The following FARSB variants were observed in gnomAD, a reference collection of about 807,000 sequenced individuals.
The protein encoded by FARSB is phenylalanine--tRNA ligase beta subunit.
FARSB carries 40 observed loss-of-function variants against 69.6 expected under a neutral mutation model. The ratio of observed to expected loss-of-function variants is 0.57; its 90% CI spans 0.45 to 0.75. FARSB has a LOEUF of 0.75. Among genes scored for constraint, FARSB ranks in the 30% least tolerant of loss-of-function variants. The pLI is 0.00. For missense variants in FARSB, 632 were observed against 722.9 expected, an observed-to-expected ratio of 0.87 and a Z score of 1.44; for synonymous variants, 235 against 247.2, an observed-to-expected ratio of 0.95 and a Z score of 0.46.
At chr2:222,629,209 A>G (rs781023851) in intron 9 of FARSB, among the ~76,000 whole-genome samples, 1 of 152,198 alleles carries the variant, frequency 6.6e-6, no homozygotes, top group Non-Finnish European at 1.5e-5. Flanking sequence ...AGTGTGTTAC[A>G]TAATAAAACT....
In FARSB at chr2:222,636,233, C is replaced by T. The variant is rs536655745; in HGVS notation, c.456-1692G>A. Among the ~76,000 whole-genome samples the T allele has an allele frequency of 3.6e-3, 540 of 151,800 alleles. 4 individuals are homozygous for T. Among genetic ancestry groups the T allele is most frequent in the Non-Finnish European group, 3.0e-3 (201 of 67,928 alleles). On this transcript the variant is annotated intron_variant, in intron 5 of 16. Coordinates refer to ENST00000281828, the MANE Select transcript of FARSB (RefSeq NM_005687.5). ...CATCCTGGCTAACATGGTGAAACCC[C>T]GTCTCTACTAAAAATACAAAAAATT...
chr2:222,637,842 G>T (rs759353687), intron 5 of FARSB, among the ~76,000 whole-genome samples: 10 of 152,046 alleles, frequency 6.6e-5, no homozygotes, highest in Non-Finnish European at 1.0e-4. Flanking sequence ...AATTAGCCAG[G>T]TGTGGTGACT....
chr2:222,584,704 G>T (rs2106183486), intron 16 of FARSB, among the ~76,000 whole-genome samples: 1 of 152,316 alleles, frequency 6.6e-6, no homozygotes, highest in Middle Eastern at 3.4e-3. Context: ...TCCCATGCCT[G>T]GCTCAGAGGG....
At chr2:222,641,350 T>C (rs1391642329) in intron 3 of FARSB, among the ~76,000 whole-genome samples, 1 of 152,208 alleles carries the variant, frequency 6.6e-6, no homozygotes, top group African/African-American at 2.4e-5. Context: ...CCTGGTTCCA[T>C]CTGGCCCTAC....
Position 222,613,940 on chromosome 2 carries a change from G to A in FARSB, c.1345-12C>T. 1 of 1,561,002 alleles carries A rather than the reference G, an allele frequency of 6.4e-7. No homozygotes were observed. Among genetic ancestry groups the A allele is most frequent in the Non-Finnish European group, 8.8e-7 (1 of 1,131,898 alleles). On this transcript the variant is annotated splice_polypyrimidine_tract_variant and intron_variant, in intron 14 of 16. Transcript: ENST00000281828. ...GTAGTGCGTGCCACCTACAGGAAAA[G>A]ACATGAAATTGCACTGACCAAATAG...
chr2:222,631,771 A>T, intron 7 of FARSB, 97 bp from the exon 8 acceptor site: 1 of 774,906 alleles, frequency 1.3e-6, no homozygotes, highest in Non-Finnish European at 2.2e-6. Flanking sequence ...TTTTAAATGT[A>T]AAACATATTA....
At chr2:222,614,072 C>T in intron 14 of FARSB, 144 bp from the exon 15 acceptor site, 2 of 453,816 alleles carry the variant, frequency 4.4e-6, no homozygotes, top group East Asian at 3.1e-5. Flanking sequence ...ATCCAAGTCA[C>T]TTTCAATTTT....
chr2:222,625,950 C>T (rs1477539876), intron 10 of FARSB, among the ~76,000 whole-genome samples: 1 of 151,970 alleles, frequency 6.6e-6, no homozygotes, highest in Non-Finnish European at 1.5e-5. Flanking sequence ...TGTATGCATA[C>T]AAGAAGTAAC....
chr2:222,575,301 A>G (rs969593046), intron 16 of FARSB, among the ~76,000 whole-genome samples: 2 of 152,276 alleles, frequency 1.3e-5, no homozygotes, highest in African/African-American at 2.4e-5. Flanking sequence ...CTTGTGAAAA[A>G]TCAGACCTGG....
At chr2:222,600,249 T>A (rs936421357) in intron 15 of FARSB, among the ~76,000 whole-genome samples, 166 bp from the exon 16 acceptor site, 1 of 152,226 alleles carries the variant, frequency 6.6e-6, no homozygotes, top group Non-Finnish European at 1.5e-5. Context: ...AATAGTCTTT[T>A]TTCAGCTCAT....
At chr2:222,597,438 C>T (rs1317276817) in intron 16 of FARSB, among the ~76,000 whole-genome samples, 1 of 151,282 alleles carries the variant, frequency 6.6e-6, no homozygotes, top group Non-Finnish European at 1.5e-5. Context: ...TGTGTATTTC[C>T]TAATTAAAAA....
intron 13 of FARSB, among the ~76,000 whole-genome samples, chr2:222,622,208 A>G (rs548716036): frequency 7.2e-5 from 11 of 152,364 alleles, no homozygotes; most frequent in African/African-American, 2.6e-4. Context: ...AGCAGCCACT[A>G]GTCAAGACTC....
At chr2:222,605,699 C>T (rs1449991516) in intron 15 of FARSB, among the ~76,000 whole-genome samples, 1 of 152,178 alleles carries the variant, frequency 6.6e-6, no homozygotes, top group African/African-American at 2.4e-5. Flanking sequence ...AGAAGGATCA[C>T]TTGAGCCCAG....
At position 222,568,362 on chromosome 2, in the gene FARSB, G is replaced by T. The variant is rs1689664491; in HGVS notation, c.*3509C>A. On this transcript the variant is annotated 3_prime_UTR_variant, in exon 17 of 17. Transcript: ENST00000281828. The surrounding 1 kb of genome is among the most constrained non-coding windows in gnomAD (Gnocchi z 4.3). ...AAGTAAATAATGCAAATCAGTGAGT[G>T]GTCTGTGGACTCCAAGTCACTCTTT... is the stretch of plus-strand genomic sequence containing the variant. 6.6e-6 allele frequency: 1 copy of T among 152,052 alleles called. No homozygotes were observed. The highest frequency in any genetic ancestry group is 1.5e-5 in the Non-Finnish European group (1 of 68,010). 9.4% of individuals were successfully genotyped at this position (152,052 alleles called of 1,614,324 possible).
intron 1 of FARSB, among the ~76,000 whole-genome samples, chr2:222,650,913 T>C (rs1031174102): frequency 7.2e-5 from 11 of 152,242 alleles, no homozygotes; most frequent in African/African-American, 2.4e-4. Context: ...CCAGAGTAAT[T>C]TGTTACGTAG....
chr2:222,640,761 A>G (rs1041352931), intron 4 of FARSB, 101 bp downstream of exon 4: 7 of 438,310 alleles, frequency 1.6e-5, no homozygotes, highest in African/African-American at 1.1e-4. Context: ...GTCTCAAAAC[A>G]AAAAAAAAAG....
At chr2:222,625,912 C>T (rs912741057) in intron 10 of FARSB, among the ~76,000 whole-genome samples, 4 of 152,010 alleles carry the variant, frequency 2.6e-5, no homozygotes, top group Non-Finnish European at 5.9e-5. Context: ...AGATAATAAG[C>T]GTTTGGTATA....
chr2:222,629,797 G>A (rs1184660936), intron 9 of FARSB, among the ~76,000 whole-genome samples: 1 of 152,134 alleles, frequency 6.6e-6, no homozygotes, highest in Non-Finnish European at 1.5e-5. Flanking sequence ...CTCAAGTGCA[G>A]TGGCACAAAC....
At chr2:222,602,226 G>A (rs983656979) in intron 15 of FARSB, among the ~76,000 whole-genome samples, 1 of 152,056 alleles carries the variant, frequency 6.6e-6, no homozygotes, top group Non-Finnish European at 1.5e-5. Context: ...CTGGGATTAG[G>A]TATGGGAAAA....
Sources: gnomAD v4.1 joint callset for allele counts (sites outside exome capture counted in the v4.1 genomes callset) on GRCh38, gnomAD v4.1.1 for gene constraint, Gnocchi (gnomAD v3.1) non-coding constraint, MANE v1.5 for transcripts, NCBI Gene and HGNC (gene_info 2026-07-23, HGNC 2026-07-21) for gene names.